STIM2: variants seen among roughly 807,000 people sequenced by gnomAD.
STIM2 encodes stromal interaction molecule 2.
In STIM2, 31 loss-of-function variants were observed where a neutral mutation model predicts 85.8. The observed-to-expected ratio is 0.36, with a 90% CI of 0.27 to 0.49. STIM2 has a LOEUF of 0.49. Among genes scored for constraint, STIM2 ranks in the 20% least tolerant of loss-of-function variants. STIM2 has a pLI of 0.98. For missense variants in STIM2, 841 were observed against 927.6 expected, an observed-to-expected ratio of 0.91 and a Z score of 1.21; for synonymous variants, 356 against 331.1, an observed-to-expected ratio of 1.08 and a Z score of -0.82.
intron 1 of STIM2, chr4:26,874,106 G>C: frequency 3.5e-6 from 2 of 574,668 alleles, no homozygotes; most frequent in East Asian, 3.6e-5. Flanking sequence ...CAGCTTGGAG[G>C]CTCTGCTGCC....
intron 1 of STIM2, among the ~76,000 whole-genome samples, chr4:26,883,602 C>T (rs759573016): frequency 9.9e-5 from 15 of 151,888 alleles, no homozygotes; most frequent in Admixed American, 9.8e-4. Flanking sequence ...TTATGGTGGG[C>T]AAAGCAGTTT....
intron 10 of STIM2, among the ~76,000 whole-genome samples, chr4:27,013,041 T>G (rs566492304): frequency 1.3e-5 from 2 of 152,122 alleles, no homozygotes; most frequent in Admixed American, 1.3e-4. Flanking sequence ...ATTTAGGATT[T>G]TTGCATCTTT....
chr4:26,938,609 G>C (rs1339447278), intron 2 of STIM2, among the ~76,000 whole-genome samples: 2 of 152,204 alleles, frequency 1.3e-5, no homozygotes, highest in Admixed American at 6.5e-5. Flanking sequence ...TCTCAGGAGA[G>C]AGTTCTGCTC....
At chr4:26,893,836 T>G (rs1723592385) in intron 1 of STIM2, among the ~76,000 whole-genome samples, 1 of 152,134 alleles carries the variant, frequency 6.6e-6, no homozygotes, top group South Asian at 2.1e-4. Context: ...TTTTGGAGAT[T>G]GTCTATTTAA....
At chr4:26,937,337 G>T (rs1253094827) in intron 2 of STIM2, among the ~76,000 whole-genome samples, 4 of 152,196 alleles carry the variant, frequency 2.6e-5, no homozygotes, top group African/African-American at 9.7e-5. Context: ...GGACAGGACA[G>T]TGTGTCTGCA....
intron 2 of STIM2, among the ~76,000 whole-genome samples, chr4:26,929,653 C>T (rs899050888): frequency 6.6e-6 from 1 of 151,652 alleles, no homozygotes; most frequent in African/African-American, 2.4e-5. Context: ...TTAGTATCCT[C>T]TGTTTTGTAT....
chr4:26,878,304 C>T (rs962194572), intron 1 of STIM2, among the ~76,000 whole-genome samples: 1 of 152,144 alleles, frequency 6.6e-6, no homozygotes, highest in African/African-American at 2.4e-5. Flanking sequence ...AATCTTTCCC[C>T]TCCCATGGCA....
intron 1 of STIM2, among the ~76,000 whole-genome samples, chr4:26,885,333 G>A (rs371329257): frequency 6.6e-6 from 1 of 152,136 alleles, no homozygotes; most frequent in African/African-American, 2.4e-5. Context: ...GAAACATAAT[G>A]TTGCCTTTAC....
At chr4:26,910,624 C>G (rs192888576) in intron 1 of STIM2, among the ~76,000 whole-genome samples, 99 of 152,242 alleles carry the variant, frequency 6.5e-4, no homozygotes, top group African/African-American at 2.3e-3. Context: ...ATGAATACAC[C>G]TACTCGCTTA....
chr4:26,911,011 C>G (rs1361393617), intron 1 of STIM2, among the ~76,000 whole-genome samples: 2 of 151,998 alleles, frequency 1.3e-5, no homozygotes, highest in Non-Finnish European at 2.9e-5. Flanking sequence ...CTGAGGCGGG[C>G]AGATCACCTG....
At chr4:26,964,742 T>A (rs1429721626) in intron 3 of STIM2, among the ~76,000 whole-genome samples, 1 of 152,136 alleles carries the variant, frequency 6.6e-6, no homozygotes. Context: ...GTGTTCTCTG[T>A]CCTCCACCCA....
At chr4:26,952,962 T>G (rs1399717652) in intron 2 of STIM2, among the ~76,000 whole-genome samples, 1 of 152,164 alleles carries the variant, frequency 6.6e-6, no homozygotes, top group Non-Finnish European at 1.5e-5. Flanking sequence ...TCTTGTGGAT[T>G]TTTTCCTCTG....
Position 26,919,622 on chromosome 4 carries a change from G to A in STIM2, c.270G>A (p.Glu90=). 6.2e-7 allele frequency: 1 copy of A among 1,613,542 alleles called. No individual in the cohort carries two copies. The highest frequency in any genetic ancestry group is 1.3e-5 in the African/African-American group (1 of 75,010). ...ACAAAGATGGTGGAATTGAAGTAGA[G>A]GAAAGTGATGAAGTAGGTGGAAAAA... is the stretch of plus-strand genomic sequence containing the variant. The change falls in exon 2 of 12, where the codon GAG becomes GAA. Residue 90 remains glutamate (E), a synonymous_variant. Transcript: ENST00000467087.
intron 2 of STIM2, among the ~76,000 whole-genome samples, chr4:26,937,289 G>A (rs1430601814): frequency 2.0e-5 from 3 of 152,218 alleles, no homozygotes; most frequent in African/African-American, 2.4e-5. Flanking sequence ...GTTACAGACC[G>A]GAAGGGGGCA....
At chr4:26,861,617 A>G (rs1722201053) in intron 1 of STIM2, 1 of 393,474 alleles carries the variant, frequency 2.5e-6, no homozygotes. Flanking sequence ...GGGCTCTCCG[A>G]TCTTCCAAGC....
intron 1 of STIM2, among the ~76,000 whole-genome samples, chr4:26,916,432 GTC>G (rs1248435293): frequency 6.6e-6 from 1 of 152,178 alleles, no homozygotes; most frequent in Admixed American, 6.5e-5. Context: ...TGTCAGCTGT[GTC>G]TCTCAGTCTT....
chr4:27,022,398 C>T, intron 11 of STIM2, 121 bp from the exon 12 acceptor site: 1 of 774,876 alleles, frequency 1.3e-6, no homozygotes. Context: ...TATATAGAAT[C>T]ATATCATTTC....
In STIM2 at chr4:26,995,183, A is replaced by G. The variant is rs573500124; in HGVS notation, c.398-196A>G. Among the ~76,000 whole-genome samples, 11 of 152,160 alleles carry G rather than the reference A, an allele frequency of 7.2e-5. No homozygotes were observed. The South Asian group carries it at 2.3e-3, about 32-fold the overall frequency. ...AATTAATCATGCTAATCTTTGTCCT[A>G]ATTGCTTTTACTATCACTTCTGTTT... is the stretch of plus-strand genomic sequence containing the variant. On this transcript the variant is annotated intron_variant, in intron 3 of 11. Coordinates refer to ENST00000467087, the MANE Select transcript of STIM2 (RefSeq NM_020860.4).
At chr4:26,992,600 G>C (rs1184290644) in intron 3 of STIM2, among the ~76,000 whole-genome samples, 1 of 152,110 alleles carries the variant, frequency 6.6e-6, no homozygotes, top group Admixed American at 6.6e-5. Context: ...AGTTTTAGCT[G>C]AGATATGAAG....
Sources: gnomAD v4.1 joint callset for allele counts (sites outside exome capture counted in the v4.1 genomes callset) on GRCh38, gnomAD v4.1.1 for gene constraint, MANE v1.5 for transcripts, NCBI Gene and HGNC (gene_info 2026-07-23, HGNC 2026-07-21) for gene names.